BUD13: variants seen among roughly 807,000 people sequenced by gnomAD.
The protein encoded by BUD13 is BUD13 homolog.
In BUD13, 47 loss-of-function variants were observed where a neutral mutation model predicts 62.5. That is an observed-to-expected ratio of 0.75 (90% CI 0.60 to 0.96). The LOEUF is 0.96. Ranked by LOEUF, BUD13 falls within the 40% of genes least tolerant of loss-of-function variation. The pLI is 0.00. For synonymous variants in BUD13, 293 were observed against 280.1 expected, an observed-to-expected ratio of 1.05 and a Z score of -0.46; for missense variants, 821 against 790.9, an observed-to-expected ratio of 1.04 and a Z score of -0.46.
intron 2 of BUD13, among the ~76,000 whole-genome samples, chr11:116,768,259 A>C (rs1288838428): frequency 6.6e-6 from 1 of 152,178 alleles, no homozygotes; most frequent in Non-Finnish European, 1.5e-5. Flanking sequence ...AACAGAACAG[A>C]TAAAATATAT....
At chr11:116,770,652 G>A (rs186505634) in intron 1 of BUD13, among the ~76,000 whole-genome samples, 190 of 152,094 alleles carry the variant, frequency 1.2e-3, no homozygotes, top group African/African-American at 4.5e-3. Flanking sequence ...CCACTGCCAC[G>A]CCTGGCTAAT....
chr11:116,772,848 C>T lies in BUD13; in HGVS notation c.117G>A (p.Pro39=), dbSNP rs751108608. 1.9e-6 allele frequency: 3 copies of T among 1,586,210 alleles called. No homozygotes were observed. The highest frequency in any genetic ancestry group is 1.4e-5 in the African/African-American group (1 of 72,904). ...ESGRKRRKKR[P]KPGGAGGKGM... ...CCTTGCCGCCGGCCCCGCCAGGCTTCGGCCGCTTTTTGCGACGCTTGCGAC... is the reference window on the plus strand; with the variant it reads ...CCTTGCCGCCGGCCCCGCCAGGCTTTGGCCGCTTTTTGCGACGCTTGCGAC... The change falls in exon 1 of 10, where the codon CCG becomes CCA. Residue 39 remains proline, a synonymous_variant. Transcript: ENST00000260210.
chr11:116,755,765 T>G (rs1940310766), intron 9 of BUD13, among the ~76,000 whole-genome samples: 2 of 152,244 alleles, frequency 1.3e-5, no homozygotes, highest in Admixed American at 1.3e-4. Flanking sequence ...ATTTTTCATT[T>G]AAATATACAG....
intron 1 of BUD13, 43 bp downstream of exon 1, chr11:116,772,779 T>A: frequency 2.7e-6 from 4 of 1,472,264 alleles, no homozygotes; most frequent in Non-Finnish European, 3.6e-6. Context: ...TGGGAAGGGG[T>A]GGCTAGACGT....
At chr11:116,758,153 T>C in intron 7 of BUD13, 116 bp downstream of exon 7, 1 of 1,488,912 alleles carries the variant, frequency 6.7e-7, no homozygotes, top group Non-Finnish European at 9.1e-7. Flanking sequence ...ACACCAAATT[T>C]CCCATTACTG....
At chr11:116,763,289 C>A in intron 3 of BUD13, 23 bp from the exon 4 acceptor site, 1 of 1,516,926 alleles carries the variant, frequency 6.6e-7, no homozygotes, top group South Asian at 1.3e-5. Context: ...AACAAAGAGT[C>A]AGATTCCCAC....
intron 2 of BUD13, among the ~76,000 whole-genome samples, chr11:116,769,655 C>T (rs1451704677): frequency 6.6e-6 from 1 of 152,182 alleles, no homozygotes; most frequent in Non-Finnish European, 1.5e-5. Flanking sequence ...GGTGTATAGG[C>T]ATCAGCAAAG....
chr11:116,770,370 C>A (rs1318649755), intron 1 of BUD13, 148 bp from the exon 2 acceptor site: 2 of 615,010 alleles, frequency 3.3e-6, no homozygotes, highest in Non-Finnish European at 5.3e-6. Context: ...TCTCCTACTG[C>A]TACTTCCTTG....
Position 116,760,852 on chromosome 11 carries a change from A to G in BUD13, c.1137T>C (p.Asn379=), listed in dbSNP as rs1940417284. The change falls in exon 5 of 10, where the codon AAT becomes AAC. Residue 379 remains asparagine (N), a synonymous_variant. Transcript: ENST00000260210. ...DSDSDLSPPR[N]RPRHRSSDSD... ...AATCAGAGCTCCGGTGTCTAGGTCT[A>G]TTCCGTGGAGGTGACAGATCTGAAT... 6.2e-7 allele frequency: 1 copy of G among 1,614,136 alleles called. No homozygotes were observed. Among genetic ancestry groups the G allele is most frequent in the Non-Finnish European group, 8.5e-7 (1 of 1,180,010 alleles).
intron 2 of BUD13, among the ~76,000 whole-genome samples, chr11:116,767,838 A>G (rs1940558652): frequency 6.6e-6 from 1 of 151,510 alleles, no homozygotes; most frequent in Non-Finnish European, 1.5e-5. Flanking sequence ...CCAGGCATGG[A>G]GGTGCGCACC....
intron 2 of BUD13, among the ~76,000 whole-genome samples, chr11:116,768,320 T>C (rs1453340958): frequency 6.6e-6 from 1 of 152,170 alleles, no homozygotes; most frequent in Non-Finnish European, 1.5e-5. Context: ...AAGAATATTT[T>C]AAGGTCTTAC....
At chr11:116,758,583 CTTT>C (rs397687372) in intron 6 of BUD13, among the ~76,000 whole-genome samples, 176 bp from the exon 7 acceptor site, 1 of 116,612 alleles carries the variant, frequency 8.6e-6, no homozygotes. Flanking sequence ...TGGCATTTTC[CTTT>C]TTTTTTTTTT....
At chr11:116,767,506 T>C (rs111878530) in intron 2 of BUD13, among the ~76,000 whole-genome samples, 2 of 137,056 alleles carry the variant, frequency 1.5e-5, no homozygotes, top group Non-Finnish European at 3.0e-5. Context: ...GGCAGGAGAA[T>C]GGCGTGAACC....
At position 116,762,673 on chromosome 11, in the gene BUD13, C is replaced by T. The variant is rs956705356; in HGVS notation, c.916G>A (p.Gly306Arg). ...SKTSPHWKES[G>R]ASHLSFPKNS... ...TTTGGGAATGACAAATGGGAGGCTC[C>T]TGACTCCTTCCAATGTGGAGAAGTC... is the stretch of plus-strand genomic sequence containing the variant. The change falls in exon 4 of 10, where the codon GGA (glycine) becomes AGA (arginine). Residue 306 changes from glycine to arginine, a missense_variant. Physicochemically the swap from Gly to Arg is moderately radical, Grantham distance 125. Around this residue, in one of 2 missense-constraint regions of BUD13, gnomAD observed 800 missense variants for 739.2 expected, o/e 1.08. Coordinates refer to ENST00000260210, the MANE Select transcript of BUD13 (RefSeq NM_032725.4). 8.1e-6 allele frequency: 13 copies of T among 1,614,100 alleles called. No homozygotes were observed. The Admixed American group carries it at 1.0e-4, about 12-fold the overall frequency.
chr11:116,770,319 G>A, intron 1 of BUD13, 97 bp from the exon 2 acceptor site: 1 of 983,556 alleles, frequency 1.0e-6, no homozygotes, highest in Non-Finnish European at 1.5e-6. Flanking sequence ...AATCCTACAG[G>A]ATCCTGCATG....
intron 1 of BUD13, among the ~76,000 whole-genome samples, chr11:116,771,170 C>G (rs928898293): frequency 1.3e-5 from 2 of 152,210 alleles, no homozygotes; most frequent in Non-Finnish European, 1.5e-5. Flanking sequence ...AATTCCCTCA[C>G]CATCCCACAC....
At chr11:116,759,846 A>G (rs1940400090) in intron 5 of BUD13, among the ~76,000 whole-genome samples, 1 of 152,204 alleles carries the variant, frequency 6.6e-6, no homozygotes, top group Admixed American at 6.5e-5. Context: ...AGGCTGGTCT[A>G]CCCTGCCAGG....
At chr11:116,758,627 G>A (rs1344232053) in intron 6 of BUD13, among the ~76,000 whole-genome samples, 2 of 115,510 alleles carry the variant, frequency 1.7e-5, no homozygotes, top group African/African-American at 6.8e-5. Context: ...TCACTCTGTT[G>A]CCCAGGTTGG....
At position 116,763,127 on chromosome 11, in the gene BUD13, C is replaced by T. The variant is rs892358305; in HGVS notation, c.462G>A (p.Arg154=). 6 of 1,598,416 alleles carry T rather than the reference C, an allele frequency of 3.8e-6. No individual in the cohort carries two copies. Among genetic ancestry groups the T allele is most frequent in the Non-Finnish European group, 5.1e-6 (6 of 1,167,952 alleles). ...AAGGATCCGGGGTGTCATGACGGGCCCTCCTAGGAGATGGATCCGGGGTGT... is the reference window on the plus strand; with the variant it reads ...AAGGATCCGGGGTGTCATGACGGGCTCTCCTAGGAGATGGATCCGGGGTGT... The part of the protein sequence containing the change: ...RHDTPDPSPR[R]ARHDTPDPSP... The change falls in exon 4 of 10, where the codon AGG becomes AGA. Residue 154 remains arginine, a synonymous_variant. Transcript: ENST00000260210.
Sources: allele counts gnomAD v4.1 joint callset (sites outside exome capture counted in the v4.1 genomes callset), GRCh38; gene constraint gnomAD v4.1.1; regional missense constraint gnomAD v4.1.1; transcripts MANE v1.5; gene names NCBI Gene and HGNC (gene_info 2026-07-23, HGNC 2026-07-21).